Variants in RASGRP2 observed in about 807,000 individuals in gnomAD.
The protein encoded by RASGRP2 is RAS guanyl-releasing protein 2.
A neutral mutation model predicts 71.0 loss-of-function variants in RASGRP2; 44 were observed. That is an observed-to-expected ratio of 0.62 (90% confidence interval 0.49 to 0.80). The LOEUF (loss-of-function observed/expected upper bound fraction) is 0.80. Among genes scored for constraint, RASGRP2 ranks in the 30% least tolerant of loss-of-function variants. The pLI is 0.00. For synonymous variants in RASGRP2, 350 were observed against 330.7 expected (o/e 1.06, Z -0.63); for missense variants, 663 against 813.4 (o/e 0.82, Z 2.25).
intron 15 of RASGRP2, among the ~76,000 whole-genome samples, chr11:64,727,673 C>T (rs2057616205): frequency 2.0e-5 from 3 of 152,028 alleles, no homozygotes; most frequent in Admixed American, 2.0e-4. Flanking sequence ...CCACCACGCC[C>T]AGCTAATTTT....
At chr11:64,733,485 G>A (rs1414790331) in intron 12 of RASGRP2, among the ~76,000 whole-genome samples, 2 of 151,584 alleles carry the variant, frequency 1.3e-5, no homozygotes, top group Admixed American at 1.3e-4. Flanking sequence ...GGCTGAGACC[G>A]CTGCATGAAG....
In RASGRP2 at chr11:64,743,511, GA is replaced by G. The variant is rs2058211651; in HGVS notation, c.-72+491del. On this transcript the variant is annotated intron_variant, in intron 1 of 16. Coordinates refer to ENST00000394432, the MANE Select transcript of RASGRP2 (RefSeq NM_001098671.2). The surrounding 1 kb of genome is among the most constrained non-coding windows in gnomAD (Gnocchi z 4.9). Reference sequence around the variant, plus strand: ...GGCCTGCCCTAGGGGAGGCGGACTGGATGGGAGAGGAACATTCCTGGGGCGG... The same window carrying G: ...GGCCTGCCCTAGGGGAGGCGGACTGGTGGGAGAGGAACATTCCTGGGGCGG... 2 of 345,984 alleles carry G rather than the reference GA, an allele frequency of 5.8e-6. No homozygotes were observed. The highest frequency in any genetic ancestry group is 1.1e-5 in the Non-Finnish European group (2 of 175,818). 21.4% of individuals were successfully genotyped at this position (345,984 alleles called of 1,614,324 possible). A position where few individuals can be genotyped will look rare whatever the true frequency, so the allele number is the denominator to read the frequency against.
chr11:64,732,880 G>A (rs953709841), intron 12 of RASGRP2, among the ~76,000 whole-genome samples: 1 of 151,688 alleles, frequency 6.6e-6, no homozygotes, highest in Non-Finnish European at 1.5e-5. Flanking sequence ...AACCCGGGAG[G>A]CGGAGGTTGC....
intron 8 of RASGRP2, 168 bp from the exon 9 acceptor site, chr11:64,737,202 T>G: frequency 3.9e-6 from 3 of 772,336 alleles, no homozygotes; most frequent in Non-Finnish European, 6.4e-6. Flanking sequence ...GGGATTGAAT[T>G]CATTGCCATG....
chr11:64,733,340 C>T (rs1318653899), intron 12 of RASGRP2, among the ~76,000 whole-genome samples: 2 of 151,656 alleles, frequency 1.3e-5, no homozygotes, highest in East Asian at 3.9e-4. Context: ...GCTGGTCTCC[C>T]TCCTGCCGAA....
chr11:64,732,541 C>A (rs939640333), intron 12 of RASGRP2, among the ~76,000 whole-genome samples: 11 of 152,226 alleles, frequency 7.2e-5, no homozygotes, highest in Non-Finnish European at 1.3e-4. Context: ...CGCCTGTAAT[C>A]CCAGCACTTT....
chr11:64,731,256 T>G (rs1395348431), intron 12 of RASGRP2, among the ~76,000 whole-genome samples: 2 of 149,984 alleles, frequency 1.3e-5, no homozygotes, highest in Non-Finnish European at 2.9e-5. Context: ...CTCGGGAGGC[T>G]AAGGCACGAG....
chr11:64,742,913 C>T lies in RASGRP2; in HGVS notation c.-47G>A. 6.5e-7 allele frequency: 1 copy of T among 1,547,868 alleles called. No individual in the cohort carries two copies. Among genetic ancestry groups the T allele is most frequent in the Non-Finnish European group, 8.7e-7 (1 of 1,151,650 alleles). Reference sequence around the variant, plus strand: ...TGGGCCCAGGCTGCGCTCCGGGAGCCTCCCACCGGGCTCGGACCGAACCCC... The same window carrying T: ...TGGGCCCAGGCTGCGCTCCGGGAGCTTCCCACCGGGCTCGGACCGAACCCC... On this transcript the variant is annotated 5_prime_UTR_variant, in exon 2 of 17. Coordinates refer to ENST00000394432, the MANE Select transcript of RASGRP2 (RefSeq NM_001098671.2). This position sits in a 1 kb window ranked among gnomAD's most constrained non-coding sequence, Gnocchi z 4.7.
intron 15 of RASGRP2, among the ~76,000 whole-genome samples, chr11:64,727,702 A>C (rs2057617351): frequency 6.6e-6 from 1 of 151,784 alleles, no homozygotes; most frequent in Admixed American, 6.6e-5. Context: ...TGTATTGTAG[A>C]GATGATGTTT....
At chr11:64,741,909 G>A in intron 3 of RASGRP2, 101 bp downstream of exon 3, 7 of 991,184 alleles carry the variant, frequency 7.1e-6, no homozygotes, top group Non-Finnish European at 9.4e-6. Flanking sequence ...ATAAGGAGTG[G>A]CCTATACTTA....
chr11:64,727,504 C>A, intron 15 of RASGRP2, 144 bp from the exon 16 acceptor site: 6 of 575,934 alleles, frequency 1.0e-5, no homozygotes, highest in Non-Finnish European at 1.8e-5. Flanking sequence ...CCTCACAGCC[C>A]AATTTTTTTT....
chr11:64,736,756 G>C lies in RASGRP2; in HGVS notation c.1092C>G (p.Leu364=). The C allele has an allele frequency of 2.5e-6, 4 of 1,584,610 alleles. No homozygotes were observed. The highest frequency in any genetic ancestry group is 1.1e-5 in the South Asian group (1 of 87,462). The stretch of plus-strand genomic sequence containing the variant: ...CTCCCTGCCCCCTGCTCCTCACCGT[G>C]AGCAGGCTCAGCAGGTCGGGGTTGG... ...VQANPDLLSL[L]TVSLDQYQTE... is the part of the protein sequence containing the mutation. The change falls in exon 9 of 17, where the codon CTC becomes CTG. Residue 364 remains leucine, a synonymous_variant. Transcript: ENST00000394432.
intron 8 of RASGRP2, 43 bp from the exon 9 acceptor site, chr11:64,737,077 T>C (rs2057966204): frequency 6.2e-7 from 1 of 1,609,510 alleles, no homozygotes; most frequent in Non-Finnish European, 8.5e-7. Flanking sequence ...ACAACTATCC[T>C]CCCTACCTCA....
chr11:64,735,184 G>A lies in RASGRP2; in HGVS notation c.1340C>T (p.Ser447Leu). ...NFDVDGDGHI[S>L]QEEFQIIRGN... ...ACGGATGATCTGGAATTCTTCCTGT[G>A]AGATGTGGCCATCCCCATCGACGTC... The change falls in exon 12 of 17, where the codon TCA (serine) becomes TTA (leucine). Residue 447 changes from serine (S) to leucine (L), a missense_variant. By Grantham distance (145) the Ser-to-Leu change is moderately radical. Coordinates refer to ENST00000394432, the MANE Select transcript of RASGRP2 (RefSeq NM_001098671.2). This position sits in a 1 kb window ranked among gnomAD's most constrained non-coding sequence, Gnocchi z 4.2. 6.2e-7 allele frequency: 1 copy of A among 1,614,192 alleles called. No homozygotes were observed. Among genetic ancestry groups the A allele is most frequent in the Non-Finnish European group, 8.5e-7 (1 of 1,180,028 alleles).
At chr11:64,729,578 C>G (rs1181939380) in intron 14 of RASGRP2, among the ~76,000 whole-genome samples, 184 bp downstream of exon 14, 1 of 152,158 alleles carries the variant, frequency 6.6e-6, no homozygotes, top group Non-Finnish European at 1.5e-5. Flanking sequence ...CTCAGGTGAT[C>G]TGCGCGCCTC....
rs774229698 is a variant in RASGRP2, at chr11:64,735,001, A to C, written c.1412+111T>G. 1.6e-5 allele frequency: 14 copies of C among 899,156 alleles called. No individual in the cohort carries two copies. Among genetic ancestry groups the C allele is most frequent in the African/African-American group, 3.3e-5 (2 of 61,012 alleles). The allele number at this position is 899,156 out of a possible 1,614,324, so 55.7% of individuals were successfully genotyped here. A position where few individuals can be genotyped will look rare whatever the true frequency, so the allele number is the denominator to read the frequency against. ...CCCTTTCCCACACTGGCAGCTTCCC[A>C]GGCCAAGATCATCTGGCTCAGTGAC... On this transcript the variant is annotated intron_variant, in intron 12 of 16. Coordinates refer to ENST00000394432, the MANE Select transcript of RASGRP2 (RefSeq NM_001098671.2). This position sits in a 1 kb window ranked among gnomAD's most constrained non-coding sequence, Gnocchi z 4.2.
chr11:64,742,430 G>A lies in RASGRP2; in HGVS notation c.74-318C>T, dbSNP rs1168562490. The A allele has an allele frequency of 7.1e-6, 4 of 563,446 alleles. No individual in the cohort carries two copies. Among genetic ancestry groups the A allele is most frequent in the Admixed American group, 3.1e-5 (1 of 32,712 alleles). The allele number at this position is 563,446 out of a possible 1,614,324, so 34.9% of individuals were successfully genotyped here. On this transcript the variant is annotated intron_variant, in intron 2 of 16. Transcript: ENST00000394432. The surrounding 1 kb of genome is among the most constrained non-coding windows in gnomAD (Gnocchi z 4.7). The stretch of plus-strand genomic sequence containing the variant: ...AGGTCATTTCCTGAGCGCTTGGGGG[G>A]AAGGGGCACCCCTTCACCAGATAAG...
chr11:64,730,368 C>T (rs1015230092), intron 12 of RASGRP2, among the ~76,000 whole-genome samples, 174 bp from the exon 13 acceptor site: 5 of 152,180 alleles, frequency 3.3e-5, no homozygotes, highest in African/African-American at 9.6e-5. Flanking sequence ...TGGGAAGTGC[C>T]GCTAACCAGT....
chr11:64,735,641 G>C lies in RASGRP2; in HGVS notation c.1197C>G (p.Thr399=). The change falls in exon 11 of 17, where the codon ACC becomes ACG. Residue 399 remains threonine, a synonymous_variant. Transcript: ENST00000394432. This position sits in a 1 kb window ranked among gnomAD's most constrained non-coding sequence, Gnocchi z 4.2. ...KSSPTSPTSC[T]PPPRPPVLEE... ...CCAGTACCGGGGGCCGGGGTGGTGG[G>C]GTGCAACTCGTGGGGCTGGTTGGCT... is the stretch of plus-strand genomic sequence containing the variant. The C allele has an allele frequency of 6.2e-7, 1 of 1,613,220 alleles. No individual in the cohort carries two copies. Among genetic ancestry groups the C allele is most frequent in the Non-Finnish European group, 8.5e-7 (1 of 1,179,732 alleles).
Sources: gnomAD v4.1 joint callset for allele counts (sites outside exome capture counted in the v4.1 genomes callset) on GRCh38, gnomAD v4.1.1 for gene constraint, Gnocchi (gnomAD v3.1) non-coding constraint, MANE v1.5 for transcripts, NCBI Gene and HGNC (gene_info 2026-07-23, HGNC 2026-07-21) for gene names.